The following ACSM3 variants were observed in gnomAD, a reference collection of about 807,000 sequenced individuals.
ACSM3 encodes the protein acyl-CoA synthetase medium chain family member 3.
In ACSM3, 61 loss-of-function variants were observed where a neutral mutation model predicts 74.1. That is an observed-to-expected ratio of 0.82 (90% CI 0.67 to 1.02). The LOEUF is 1.02. ACSM3 is among the 50% of genes least tolerant of loss of function. The probability of loss-of-function intolerance (pLI) is 0.00; values close to 1 mark genes in which losing one functional copy is unlikely to be tolerated. For missense variants in ACSM3, 660 were observed against 697.0 expected (o/e 0.95, Z 0.60); for synonymous variants, 213 against 241.5 (o/e 0.88, Z 1.09).
At chr16:20,770,335 A>G (rs2080177429) in intron 2 of ACSM3, 82 bp downstream of exon 2, 3 of 1,257,310 alleles carry the variant, frequency 2.4e-6, no homozygotes, top group African/African-American at 1.5e-5. Flanking sequence ...ATGTCTAGAA[A>G]TATTTTTGTT....
intron 1 of ACSM3, chr16:20,741,787 G>C (rs1323127677): frequency 6.5e-7 from 1 of 1,548,392 alleles, no homozygotes; most frequent in Non-Finnish European, 8.7e-7. Context: ...CGCTGCTGTT[G>C]GCGTCCTCGT....
intron 1 of ACSM3, among the ~76,000 whole-genome samples, chr16:20,702,582 A>T (rs1326517718): frequency 6.6e-6 from 1 of 152,024 alleles, no homozygotes; most frequent in African/African-American, 2.4e-5. Flanking sequence ...GCTTTTTTTC[A>T]AATGTTTGTT....
upstream of ACSM3, among the ~76,000 whole-genome samples, chr16:20,762,404 GA>G (rs778029493): frequency 6.7e-6 from 1 of 150,176 alleles, no homozygotes; most frequent in African/African-American, 2.4e-5. Flanking sequence ...ACTAGAATGG[GA>G]AAAAAAAGAA....
intron 1 of ACSM3, among the ~76,000 whole-genome samples, chr16:20,747,897 T>C (rs2079964553): frequency 6.6e-6 from 1 of 152,150 alleles, no homozygotes. Flanking sequence ...TCCTAGCATT[T>C]TGGGCAGCCA....
At chr16:20,781,215 AGATCAGAGT>A in intron 6 of ACSM3, 85 bp downstream of exon 6, 1 of 1,469,466 alleles carries the variant, frequency 6.8e-7, no homozygotes, top group Non-Finnish European at 9.3e-7. Context: ...CAACTTGCAG[AGATCAGAGT>A]AGACAATATG....
In ACSM3 at chr16:20,770,377, G is replaced by A. The variant is rs1273009579; in HGVS notation, c.219+124G>A. 6 of 775,774 alleles carry A rather than the reference G, an allele frequency of 7.7e-6. No individual in the cohort carries two copies. In the East Asian group the frequency reaches 1.3e-4, roughly 17 times the overall value. 48.1% of individuals were successfully genotyped at this position (775,774 alleles called of 1,614,324 possible). A position where few individuals can be genotyped will look rare whatever the true frequency, so the allele number is the denominator to read the frequency against. On this transcript the variant is annotated intron_variant, in intron 2 of 13. Transcript: ENST00000289416. ...ATAGGGGCAGAGGCAGTTGCTACTG[G>A]CATCTAACAGGTAAAAGCCAGGGAT... is the stretch of plus-strand genomic sequence containing the variant.
intron 1 of ACSM3, among the ~76,000 whole-genome samples, chr16:20,701,133 A>G (rs1161006023): frequency 6.6e-6 from 1 of 152,162 alleles, no homozygotes; most frequent in Non-Finnish European, 1.5e-5. Context: ...TATATAAAAA[A>G]TGCTGAAAAG....
intron 1 of ACSM3, among the ~76,000 whole-genome samples, chr16:20,746,562 A>G (rs113109049): frequency 6.6e-6 from 1 of 152,190 alleles, no homozygotes; most frequent in African/African-American, 2.4e-5. Context: ...TCTGCCTCAC[A>G]TTTGATTGAA....
intron 3 of ACSM3, among the ~76,000 whole-genome samples, chr16:20,757,040 T>G (rs1297237905): frequency 1.3e-5 from 2 of 151,384 alleles, no homozygotes; most frequent in Non-Finnish European, 1.5e-5. Flanking sequence ...TACTGTAGCC[T>G]TGTAGTATAG....
intron 1 of ACSM3, among the ~76,000 whole-genome samples, chr16:20,728,767 C>T (rs1233831739): frequency 6.6e-6 from 1 of 152,092 alleles, no homozygotes; most frequent in African/African-American, 2.4e-5. Context: ...TTTTATTATA[C>T]TATTTGGGAC....
At chr16:20,754,093 G>T (rs1371243764) in intron 2 of ACSM3, among the ~76,000 whole-genome samples, 1 of 152,200 alleles carries the variant, frequency 6.6e-6, no homozygotes, top group Non-Finnish European at 1.5e-5. Flanking sequence ...CAGAAAGTAT[G>T]GGCAGAGTTG....
intron 1 of ACSM3, chr16:20,738,831 A>T: frequency 6.4e-7 from 1 of 1,561,738 alleles, no homozygotes; most frequent in Non-Finnish European, 8.7e-7. Context: ...TGTAAGCAGT[A>T]TTCCCTGAGA....
intron 1 of ACSM3, among the ~76,000 whole-genome samples, chr16:20,732,387 T>C (rs773244518): frequency 1.3e-5 from 2 of 152,180 alleles, no homozygotes; most frequent in Non-Finnish European, 2.9e-5. Flanking sequence ...TAATGAACTT[T>C]TGACTTTCAG....
At chr16:20,761,729 A>T (rs1345534807), upstream of ACSM3, among the ~76,000 whole-genome samples, 1 of 152,166 alleles carries the variant, frequency 6.6e-6, no homozygotes, top group Non-Finnish European at 1.5e-5. Flanking sequence ...GAGATAGAAA[A>T]CACCTAAAGC....
At chr16:20,775,518 C>G (rs1222545212) in intron 2 of ACSM3, among the ~76,000 whole-genome samples, 2 of 152,134 alleles carry the variant, frequency 1.3e-5, no homozygotes, top group African/African-American at 4.8e-5. Flanking sequence ...CTCTTCTTCC[C>G]TCTCTATGCT....
intron 1 of ACSM3, among the ~76,000 whole-genome samples, chr16:20,742,315 G>A (rs1309827182): frequency 1.3e-5 from 2 of 152,114 alleles, no homozygotes; most frequent in Non-Finnish European, 2.9e-5. Context: ...GAGCCCAGTC[G>A]AGAAGGGCCC....
intron 1 of ACSM3, among the ~76,000 whole-genome samples, chr16:20,713,640 A>C (rs1256014284): frequency 6.6e-6 from 1 of 152,152 alleles, no homozygotes; most frequent in Non-Finnish European, 1.5e-5. Context: ...CTTCCACTTC[A>C]GAGACTCCTG....
At position 20,745,577 on chromosome 16, in the gene ACSM3, CAAAATAAATAAA is replaced by C. The variant is rs1278181153; in HGVS notation, c.-189-4332_-189-4321del. Among the ~76,000 whole-genome samples the C allele has an allele frequency of 7.4e-5, 7 of 94,262 alleles. No individual in the cohort carries two copies. The Admixed American group carries it at 8.4e-4, about 11-fold the overall frequency. The allele number at this position is 94,262 out of a possible 152,430, so 61.8% of individuals were successfully genotyped here. A position where few individuals can be genotyped will look rare whatever the true frequency, so the allele number is the denominator to read the frequency against. ...AGCCTGGGCAAAATAGACTCTGTCT[CAAAATAAATAAA>C]TAAATAAATAAATAAATAAATAGAG... is the stretch of plus-strand genomic sequence containing the variant. On this transcript the variant is annotated intron_variant, in intron 1 of 3. Coordinates refer to the ACSM3 transcript ENST00000561584.
chr16:20,705,219 A>G (rs757210924), intron 1 of ACSM3, among the ~76,000 whole-genome samples: 2 of 152,062 alleles, frequency 1.3e-5, no homozygotes, highest in South Asian at 2.1e-4. Context: ...GAAAATACAA[A>G]CAAATTAGCC....
Sources: allele counts gnomAD v4.1 joint callset (sites outside exome capture counted in the v4.1 genomes callset), GRCh38; gene constraint gnomAD v4.1.1; transcripts MANE v1.5; gene names NCBI Gene and HGNC (gene_info 2026-07-23, HGNC 2026-07-21).